The following KIF13A variants were observed in gnomAD, a reference collection of about 807,000 sequenced individuals.
The protein encoded by KIF13A is kinesin-like protein KIF13A.
Under a neutral mutation model 212.2 loss-of-function variants are expected in KIF13A, and 79 were observed. The observed-to-expected ratio is 0.37, with a 90% CI of 0.31 to 0.45. KIF13A has a LOEUF of 0.45. KIF13A is among the 20% of genes least tolerant of loss of function. The pLI, the probability that KIF13A is intolerant of heterozygous loss-of-function variation, is 1.00. For synonymous variants in KIF13A, 789 were observed against 808.6 expected, an observed-to-expected ratio of 0.98 and a Z score of 0.41; for missense variants, 1,901 against 2,209.0, an observed-to-expected ratio of 0.86 and a Z score of 2.79.
chr6:17,779,224 T>G (rs1230287954), intron 32 of KIF13A, 125 bp from the exon 33 acceptor site: 1 of 538,720 alleles, frequency 1.9e-6, no homozygotes, highest in Non-Finnish European at 3.3e-6. Context: ...ATACTGATAT[T>G]TTTTAAAGTA....
chr6:17,971,092 C>A lies in KIF13A; in HGVS notation c.146+15962G>T, dbSNP rs1322522356. Among the ~76,000 whole-genome samples, 1 of 152,162 alleles carries A rather than the reference C, an allele frequency of 6.6e-6. No homozygotes were observed. ...AAAAATTCAGTCTACATACAAATAA[C>A]AGAGACTGGTCAATTTTTAAGGGAA... On this transcript the variant is annotated intron_variant, in intron 2 of 38. Coordinates refer to ENST00000259711, the MANE Select transcript of KIF13A (RefSeq NM_022113.6). This position sits in a 1 kb window ranked among gnomAD's most constrained non-coding sequence, Gnocchi z 4.2.
At position 17,987,564 on chromosome 6, in the gene KIF13A, G is replaced by C. The variant is rs112042959; in HGVS notation, c.-101C>G. 5.5e-4 allele frequency: 305 copies of C among 554,688 alleles called. 3 individuals are homozygous for C. In the African/African-American group the frequency reaches 5.6e-3, roughly 10 times the overall value. 34.4% of individuals were successfully genotyped at this position (554,688 alleles called of 1,614,324 possible). A position where few individuals can be genotyped will look rare whatever the true frequency, so the allele number is the denominator to read the frequency against. Reference sequence around the variant, plus strand: ...CTGCAGCCGCGCGCCCCTCGAGCGCGGCCGCCGCCGCTCCGCCGTGAGCTC... The same window carrying C: ...CTGCAGCCGCGCGCCCCTCGAGCGCCGCCGCCGCCGCTCCGCCGTGAGCTC... On this transcript the variant is annotated 5_prime_UTR_variant, in exon 1 of 39. Coordinates refer to ENST00000259711, the MANE Select transcript of KIF13A (RefSeq NM_022113.6). This position sits in a 1 kb window ranked among gnomAD's most constrained non-coding sequence, Gnocchi z 7.7.
At chr6:17,766,675 C>G (rs1752486540) in intron 38 of KIF13A, among the ~76,000 whole-genome samples, 1 of 152,138 alleles carries the variant, frequency 6.6e-6, no homozygotes, top group African/African-American at 2.4e-5. Flanking sequence ...CAATCTCTGC[C>G]TCCTGAGTAG....
At chr6:17,860,780 G>A (rs1387903719) in intron 4 of KIF13A, among the ~76,000 whole-genome samples, 2 of 151,760 alleles carry the variant, frequency 1.3e-5, no homozygotes, top group Non-Finnish European at 2.9e-5. Flanking sequence ...AATTGTATTA[G>A]TTTACACTTT....
chr6:17,808,984 G>T, intron 17 of KIF13A, 54 bp from the exon 18 acceptor site: 1 of 1,440,390 alleles, frequency 6.9e-7, no homozygotes, highest in South Asian at 1.4e-5. Flanking sequence ...CTGCAATCCC[G>T]TTTCTAAGTG....
chr6:17,960,996 T>C (rs1324269294), intron 2 of KIF13A, among the ~76,000 whole-genome samples: 1 of 152,196 alleles, frequency 6.6e-6, no homozygotes, highest in Non-Finnish European at 1.5e-5. Context: ...GTAGCATCTT[T>C]CAGTTCAAAA....
intron 2 of KIF13A, among the ~76,000 whole-genome samples, chr6:17,981,297 A>C (rs1781055221): frequency 6.6e-6 from 1 of 152,186 alleles, no homozygotes; most frequent in Non-Finnish European, 1.5e-5. Context: ...TAACCTTTGA[A>C]ATATACATAT....
At position 17,900,087 on chromosome 6, in the gene KIF13A, T is replaced by A. The variant is rs113737100; in HGVS notation, c.147-1907A>T. Among the ~76,000 whole-genome samples the A allele has an allele frequency of 2.6e-5, 4 of 152,306 alleles. No individual in the cohort carries two copies. Among genetic ancestry groups the A allele is most frequent in the African/African-American group, 9.6e-5 (4 of 41,572 alleles). On this transcript the variant is annotated intron_variant, in intron 2 of 38. Coordinates refer to ENST00000259711, the MANE Select transcript of KIF13A (RefSeq NM_022113.6). The surrounding 1 kb of genome is among the most constrained non-coding windows in gnomAD (Gnocchi z 4.6). The stretch of plus-strand genomic sequence containing the variant: ...GAAAGAAAAGTCACTTGGGTTACAA[T>A]AAGGCCATTATATGAAACAGCACAG...
chr6:17,839,076 TC>T lies in KIF13A; in HGVS notation c.831-1494del. ...CTCAGGTGATCCACCCATCCTGGCATCCCAAAGTGCTGGGATTATAGGCGTG... is the reference window on the plus strand; with the variant it reads ...CTCAGGTGATCCACCCATCCTGGCATCCAAAGTGCTGGGATTATAGGCGTG... On this transcript the variant is annotated intron_variant, in intron 9 of 38. Coordinates refer to ENST00000259711, the MANE Select transcript of KIF13A (RefSeq NM_022113.6). This position sits in a 1 kb window ranked among gnomAD's most constrained non-coding sequence, Gnocchi z 4.3. Among the ~76,000 whole-genome samples, 1 of 152,198 alleles carries T rather than the reference TC, an allele frequency of 6.6e-6. No individual in the cohort carries two copies.
chr6:17,836,613 G>T (rs569106394), intron 11 of KIF13A, among the ~76,000 whole-genome samples: 1 of 152,200 alleles, frequency 6.6e-6, no homozygotes, highest in Non-Finnish European at 1.5e-5. Flanking sequence ...AAAGAAAAGG[G>T]GGTTTAATTG....
intron 2 of KIF13A, among the ~76,000 whole-genome samples, chr6:17,920,823 G>A (rs537026169): frequency 6.7e-5 from 10 of 149,858 alleles, no homozygotes; most frequent in South Asian, 6.3e-4. Context: ...TCAGTGAGCC[G>A]AGATTGCACC....
chr6:17,789,412 T>C lies in KIF13A; in HGVS notation c.3261+460A>G, dbSNP rs1761340803. On this transcript the variant is annotated intron_variant, in intron 26 of 38. Coordinates refer to ENST00000259711, the MANE Select transcript of KIF13A (RefSeq NM_022113.6). The surrounding 1 kb of genome is among the most constrained non-coding windows in gnomAD (Gnocchi z 4.8). ...AGTAAAATGGCATATTACAACAATATTAGCTCTTGGATGTAAGGAGCAGAA... is the reference window on the plus strand; with the variant it reads ...AGTAAAATGGCATATTACAACAATACTAGCTCTTGGATGTAAGGAGCAGAA... Among the ~76,000 whole-genome samples, 1 of 152,150 alleles carries C rather than the reference T, an allele frequency of 6.6e-6. No individual in the cohort carries two copies. The highest frequency in any genetic ancestry group is 2.4e-5 in the African/African-American group (1 of 41,412).
chr6:17,880,627 C>CAA (rs34817140), intron 3 of KIF13A, among the ~76,000 whole-genome samples: 106 of 69,056 alleles, frequency 1.5e-3, no homozygotes, highest in Non-Finnish European at 1.7e-3. Context: ...GACTCTGTCT[C>CAA]AAAAAAAAAA....
At chr6:17,868,743 C>G (rs1260103483) in intron 4 of KIF13A, among the ~76,000 whole-genome samples, 1 of 151,730 alleles carries the variant, frequency 6.6e-6, no homozygotes, top group African/African-American at 2.4e-5. Flanking sequence ...TCGCTCATGC[C>G]TGTAATCTCA....
chr6:17,954,562 T>G (rs1778180246), intron 2 of KIF13A, among the ~76,000 whole-genome samples: 1 of 152,218 alleles, frequency 6.6e-6, no homozygotes, highest in Admixed American at 6.5e-5. Context: ...GTTTTCATAT[T>G]AATAACCTGA....
intron 25 of KIF13A, among the ~76,000 whole-genome samples, chr6:17,792,963 T>A (rs1169698219): frequency 7.9e-5 from 12 of 152,226 alleles, no homozygotes; most frequent in Non-Finnish European, 1.8e-4. Flanking sequence ...CGATCACATA[T>A]GACGGTGAGG....
chr6:17,816,962 C>T lies in KIF13A; in HGVS notation c.2000+58G>A. The T allele has an allele frequency of 6.9e-7, 1 of 1,456,328 alleles. No homozygotes were observed. Among genetic ancestry groups the T allele is most frequent in the Non-Finnish European group, 9.3e-7 (1 of 1,074,410 alleles). The allele number at this position is 1,456,328 out of a possible 1,614,324, so 90.2% of individuals were successfully genotyped here. The stretch of plus-strand genomic sequence containing the variant: ...CCTGACATGTCTCAAAAACCCCTCC[C>T]TCAAAGACCCACGGCCTTGGGGCCT... On this transcript the variant is annotated intron_variant, in intron 17 of 38. Transcript: ENST00000259711. This position sits in a 1 kb window ranked among gnomAD's most constrained non-coding sequence, Gnocchi z 4.3.
chr6:17,818,256 C>A (rs1032378283), intron 16 of KIF13A, among the ~76,000 whole-genome samples: 2 of 152,146 alleles, frequency 1.3e-5, no homozygotes, highest in Non-Finnish European at 2.9e-5. Context: ...CTATTCAGTG[C>A]CATTTATGCT....
intron 3 of KIF13A, among the ~76,000 whole-genome samples, chr6:17,887,937 C>G (rs1198072176): frequency 6.6e-6 from 1 of 151,366 alleles, no homozygotes; most frequent in Non-Finnish European, 1.5e-5. Flanking sequence ...AACTCCTGAC[C>G]TCAGGTGATC....
Sources: allele counts gnomAD v4.1 joint callset (sites outside exome capture counted in the v4.1 genomes callset), GRCh38; gene constraint gnomAD v4.1.1; non-coding constraint Gnocchi (gnomAD v3.1); transcripts MANE v1.5; gene names NCBI Gene and HGNC (gene_info 2026-07-23, HGNC 2026-07-21).